The following KLHL40 variants were observed in gnomAD, a reference collection of about 807,000 sequenced individuals.
KLHL40 encodes kelch like family member 40, also known as kelch-like protein 40.
Under a neutral mutation model 49.7 loss-of-function variants are expected in KLHL40, and 44 were observed. That is an observed-to-expected ratio of 0.89 (90% CI 0.70 to 1.14). The LOEUF (loss-of-function observed/expected upper bound fraction) is 1.14. Among genes scored for constraint, KLHL40 ranks in the 50% most tolerant of loss-of-function variants. The pLI is 0.00. For synonymous variants in KLHL40, 409 were observed against 365.2 expected (o/e 1.12, Z -1.37); for missense variants, 892 against 850.3 (o/e 1.05, Z -0.61).
rs1293724972 is a variant in KLHL40 at position 42,686,619 on chromosome 3, C to A, written c.1001C>A (p.Ala334Glu). Residue 334 changes from alanine (A) to glutamate (E), a missense_variant, in exon 1 of 6, where the codon GCA becomes GAA. Ala to Glu is a moderately radical substitution (Grantham distance 107, BLOSUM62 -1). Transcript: ENST00000287777. ...GAGGGCGCTGTGGCCTACGATCCAGCAGCCAACGAGTGCTACTGTGCTTCC... is the reference window on the plus strand; with the variant it reads ...GAGGGCGCTGTGGCCTACGATCCAGAAGCCAACGAGTGCTACTGTGCTTCC... The part of the protein sequence containing the change: ...SEEGAVAYDP[A>E]ANECYCASLS... The A allele has an allele frequency of 6.2e-7, 1 of 1,614,118 alleles. No individual in the cohort carries two copies.
chr3:42,690,210 G>A (rs1697341083), intron 4 of KLHL40, among the ~76,000 whole-genome samples: 3 of 152,150 alleles, frequency 2.0e-5, no homozygotes, highest in Admixed American at 2.0e-4. Context: ...GTAAATGGGA[G>A]GAGCTGAGGT....
chr3:42,690,838 CA>C lies in KLHL40; in HGVS notation c.1608-20del, dbSNP rs1285017851. ...GGCTTGCCGAGGCATCCCAATGATGCACCTTCTCACACACCCCCAGGTGGGC... is the reference window on the plus strand; with the variant it reads ...GGCTTGCCGAGGCATCCCAATGATGCCCTTCTCACACACCCCCAGGTGGGC... On this transcript the variant is annotated intron_variant, in intron 4 of 5. Transcript: ENST00000287777. 1 of 1,571,616 alleles carries C rather than the reference CA, an allele frequency of 6.4e-7. No homozygotes were observed. The highest frequency in any genetic ancestry group is 2.3e-5 in the East Asian group (1 of 44,256).
At position 42,686,371 on chromosome 3, in the gene KLHL40, GC is replaced by G. The variant is rs760660627; in HGVS notation, c.754del (p.Arg252AlafsTer6). ...TCGTGCGTGCCCAGCCCGAGTTGCTGCGCAAGGTGCAGATGGTGAAGGATGC... is the reference window on the plus strand; with the variant it reads ...TCGTGCGTGCCCAGCCCGAGTTGCTGGCAAGGTGCAGATGGTGAAGGATGC... ...PLVRAQPELL[R>X]KVQMVKDAHE... On this transcript the variant is annotated frameshift_variant, in exon 1 of 6. Transcript: ENST00000287777. LOFTEE classifies it high-confidence loss of function. 7 of 1,613,228 alleles carry G rather than the reference GC, an allele frequency of 4.3e-6. No individual in the cohort carries two copies. The African/African-American group carries it at 9.3e-5, about 22-fold the overall frequency.
chr3:42,687,380 A>G (rs1697289731), intron 1 of KLHL40, among the ~76,000 whole-genome samples: 1 of 152,062 alleles, frequency 6.6e-6, no homozygotes, highest in Non-Finnish European at 1.5e-5. Flanking sequence ...TAAGCAAGGG[A>G]TAGAACTGGG....
chr3:42,689,050 A>C lies in KLHL40; in HGVS notation c.1603A>C (p.Asn535His). The change falls in exon 4 of 6, where the codon AAC (asparagine) becomes CAC (histidine). Residue 535 changes from asparagine to histidine, a missense_variant. By Grantham distance (68) the Asn-to-His change is moderately conservative (BLOSUM62 1). Transcript: ENST00000287777. ...SSAEVYSITD[N>H]KWAPFEAFPQ... ...TGCCGAAGTGTACAGCATCACAGAC[A>C]ACAAGTATGAAAGCTTGTCCCTTCC... 1 of 1,609,674 alleles carries C rather than the reference A, an allele frequency of 6.2e-7. No homozygotes were observed. Among genetic ancestry groups the C allele is most frequent in the Non-Finnish European group, 8.5e-7 (1 of 1,176,734 alleles).
Position 42,690,864 on chromosome 3 carries a change from C to T in KLHL40, c.1613C>T (p.Ala538Val). 1 of 1,604,184 alleles carries T rather than the reference C, an allele frequency of 6.2e-7. No individual in the cohort carries two copies. Among genetic ancestry groups the T allele is most frequent in the South Asian group, 1.1e-5 (1 of 89,896 alleles). Residue 538 changes from alanine to valine, a missense_variant, in exon 5 of 6, where the codon GCA becomes GTA. Transcript: ENST00000287777. The part of the protein sequence containing the change: ...EVYSITDNKW[A>V]PFEAFPQERS... ...ACCTTCTCACACACCCCCAGGTGGG[C>T]ACCCTTCGAGGCCTTCCCACAGGAG...
At chr3:42,690,343 G>A (rs1313816196) in intron 4 of KLHL40, among the ~76,000 whole-genome samples, 1 of 152,228 alleles carries the variant, frequency 6.6e-6, no homozygotes, top group Non-Finnish European at 1.5e-5. Flanking sequence ...CAGTGCGTGT[G>A]CAGTGACTGT....
Position 42,692,254 on chromosome 3 carries a change from C to T in KLHL40, c.*261C>T, listed in dbSNP as rs780507410. 4.1e-5 allele frequency: 21 copies of T among 507,884 alleles called. No individual in the cohort carries two copies. The highest frequency in any genetic ancestry group is 9.6e-5 in the Admixed American group (3 of 31,212). 31.5% of individuals were successfully genotyped at this position (507,884 alleles called of 1,614,324 possible). A position where few individuals can be genotyped will look rare whatever the true frequency, so the allele number is the denominator to read the frequency against. ...TGATCCATGAACCAGAACCACAGGG[C>T]GGTATCCCAGGCCGTGTGCTGGCCC... On this transcript the variant is annotated 3_prime_UTR_variant, in exon 6 of 6. Coordinates refer to ENST00000287777, the MANE Select transcript of KLHL40 (RefSeq NM_152393.4).
rs766415160 is a variant in KLHL40 at position 42,688,220 on chromosome 3, C to G, written c.1231C>G (p.Leu411Val). ...CTGCCTCTTTGGCCTGGGAGAAGCT[C>G]TCAACTCCATCTACGTGGTCGGTGG... ...PRCLFGLGEA[L>V]NSIYVVGGRE... is the part of the protein sequence containing the mutation. Residue 411 changes from leucine to valine, a missense_variant, in exon 2 of 6, where the codon CTC (leucine) becomes GTC (valine). Physicochemically the swap from Leu to Val is conservative, Grantham distance 32. Coordinates refer to ENST00000287777, the MANE Select transcript of KLHL40 (RefSeq NM_152393.4). The surrounding 1 kb of genome is among the most constrained non-coding windows in gnomAD (Gnocchi z 4.2). The G allele has an allele frequency of 1.1e-5, 17 of 1,613,896 alleles. No homozygotes were observed. Among genetic ancestry groups the G allele is most frequent in the Non-Finnish European group, 1.7e-6 (2 of 1,180,036 alleles).
At position 42,691,076 on chromosome 3, in the gene KLHL40, T is replaced by C. The variant is rs1176830165; in HGVS notation, c.1754+71T>C. 1.0e-5 allele frequency: 15 copies of C among 1,483,848 alleles called. No homozygotes were observed. In the Admixed American group the frequency reaches 1.3e-4, roughly 13 times the overall value. 91.9% of individuals were successfully genotyped at this position (1,483,848 alleles called of 1,614,324 possible). A position where few individuals can be genotyped will look rare whatever the true frequency, so the allele number is the denominator to read the frequency against. ...GACACCCCATAGCACCATGGTGGGGTACCAAGGCACTGGGCAAGCTCCTCT... is the reference window on the plus strand; with the variant it reads ...GACACCCCATAGCACCATGGTGGGGCACCAAGGCACTGGGCAAGCTCCTCT... On this transcript the variant is annotated intron_variant, in intron 5 of 5. Coordinates refer to ENST00000287777, the MANE Select transcript of KLHL40 (RefSeq NM_152393.4).
Position 42,691,882 on chromosome 3 carries a change from G to T in KLHL40, c.1755G>T (p.Arg585Ser). Residue 585 changes from arginine to serine, a missense_variant and splice_region_variant, in exon 6 of 6, where the codon AGG becomes AGT. Coordinates refer to ENST00000287777, the MANE Select transcript of KLHL40 (RefSeq NM_152393.4). The stretch of plus-strand genomic sequence containing the variant: ...TGTCCCCACTCTCTCTCATCCCCAG[G>T]TATAACGAGGAGGAGAAGAAATGGG... Reference protein sequence around the residue: ...LVPTELNDIWRYNEEEKKWEG... With the variant: ...LVPTELNDIWSYNEEEKKWEG... 6.3e-7 allele frequency: 1 copy of T among 1,592,460 alleles called. No individual in the cohort carries two copies.
At position 42,688,859 on chromosome 3, in the gene KLHL40, C is replaced by G. The variant is rs377128183; in HGVS notation, c.1422-10C>G. ...CTTCTCTCCACCCATCCCCACCCTC[C>G]ACCCCACAGGAAGTGCCTGAACAAG... On this transcript the variant is annotated splice_polypyrimidine_tract_variant and intron_variant, in intron 3 of 5. Transcript: ENST00000287777. The surrounding 1 kb of genome is among the most constrained non-coding windows in gnomAD (Gnocchi z 4.2). 1.2e-6 allele frequency: 2 copies of G among 1,612,196 alleles called. No homozygotes were observed. Among genetic ancestry groups the G allele is most frequent in the Non-Finnish European group, 1.7e-6 (2 of 1,178,418 alleles).
At chr3:42,689,512 G>T (rs1353519875) in intron 4 of KLHL40, among the ~76,000 whole-genome samples, 6 of 151,478 alleles carry the variant, frequency 4.0e-5, no homozygotes, top group Non-Finnish European at 1.5e-5. Context: ...AGGAGGGAAG[G>T]TGTTGCTCCA....
chr3:42,687,988 T>C (rs963568267), intron 1 of KLHL40, among the ~76,000 whole-genome samples, 154 bp from the exon 2 acceptor site: 3 of 152,020 alleles, frequency 2.0e-5, no homozygotes, highest in African/African-American at 7.3e-5. Flanking sequence ...AGCCTGATGG[T>C]AGGAGGGGCA....
At chr3:42,689,796 G>A (rs1697332413) in intron 4 of KLHL40, among the ~76,000 whole-genome samples, 1 of 152,208 alleles carries the variant, frequency 6.6e-6, no homozygotes, top group Non-Finnish European at 1.5e-5. Flanking sequence ...AAATCTCCTG[G>A]GGATCGCCTT....
intron 5 of KLHL40, 145 bp downstream of exon 5, chr3:42,691,150 C>T: frequency 1.3e-6 from 1 of 787,646 alleles, no homozygotes; most frequent in Admixed American, 3.2e-5. Flanking sequence ...GGAGGAATAG[C>T]CAACATACCC....
At chr3:42,691,482 C>T (rs1697366899) in intron 5 of KLHL40, among the ~76,000 whole-genome samples, 1 of 152,034 alleles carries the variant, frequency 6.6e-6, no homozygotes, top group Admixed American at 6.6e-5. Context: ...CCTGAACCTG[C>T]AGCCATCTGC....
Position 42,688,789 on chromosome 3 carries a change from G to T in KLHL40, c.1421+72G>T. 1 of 1,585,230 alleles carries T rather than the reference G, an allele frequency of 6.3e-7. No homozygotes were observed. ...CCAGAGGCTGTCAGGGGTTTGTCCT[G>T]GCTGCCCCGGCAGGTGATTGCAGGG... On this transcript the variant is annotated intron_variant, in intron 3 of 5. Transcript: ENST00000287777. This position sits in a 1 kb window ranked among gnomAD's most constrained non-coding sequence, Gnocchi z 4.2.
rs1186218257 is a variant in KLHL40 at position 42,688,718 on chromosome 3, G to T, written c.1421+1G>T. 6.2e-7 allele frequency: 1 copy of T among 1,611,872 alleles called. No homozygotes were observed. Among genetic ancestry groups the T allele is most frequent in the Non-Finnish European group, 8.5e-7 (1 of 1,178,124 alleles). ...TAATTGGCGGCAAAGGCAGTGACAG[G>T]TGAGGCTGGGCCTGGAGTGAGTCTG... On this transcript the variant is annotated splice_donor_variant, in intron 3 of 5. Transcript: ENST00000287777. LOFTEE classifies it high-confidence loss of function. This position sits in a 1 kb window ranked among gnomAD's most constrained non-coding sequence, Gnocchi z 4.2.
Sources: allele counts gnomAD v4.1 joint callset (sites outside exome capture counted in the v4.1 genomes callset), GRCh38; gene constraint gnomAD v4.1.1; non-coding constraint Gnocchi (gnomAD v3.1); transcripts MANE v1.5; gene names NCBI Gene and HGNC (gene_info 2026-07-23, HGNC 2026-07-21).